Variants in CCDC18 observed in about 807,000 individuals in gnomAD.
The protein encoded by CCDC18 is coiled-coil domain-containing protein 18.
In CCDC18, 157 loss-of-function variants were observed where a neutral mutation model predicts 196.0. That is an observed-to-expected ratio of 0.80 (90% confidence interval 0.70 to 0.91). The LOEUF (loss-of-function observed/expected upper bound fraction) is 0.91, where lower values mean the gene tolerates loss of function less well. Among genes scored for constraint, CCDC18 ranks in the 40% least tolerant of loss-of-function variants. The probability of loss-of-function intolerance (pLI) is 0.00; values close to 1 mark genes in which losing one functional copy is unlikely to be tolerated. For missense variants in CCDC18, 1,465 were observed against 1,611.6 expected, an observed-to-expected ratio of 0.91 and a Z score of 1.56; for synonymous variants, 482 against 529.2, an observed-to-expected ratio of 0.91 and a Z score of 1.22.
intron 26 of CCDC18, among the ~76,000 whole-genome samples, chr1:93,260,582 AGAG>A (rs1663644486): frequency 6.6e-6 from 1 of 152,096 alleles, no homozygotes. Flanking sequence ...GAGCTAGAAA[AGAG>A]GATCAATAAT....
chr1:93,180,742 C>A lies in CCDC18; in HGVS notation c.-113C>A. Reference sequence around the variant, plus strand: ...CCGCGGCGGTTCGAATTCTGTGCTGCCGGGGTTCGCTGGTTCTCCGAGTTG... The same window carrying A: ...CCGCGGCGGTTCGAATTCTGTGCTGACGGGGTTCGCTGGTTCTCCGAGTTG... On this transcript the variant is annotated 5_prime_UTR_variant, in exon 1 of 29. Coordinates refer to ENST00000690025, the MANE Select transcript of CCDC18 (RefSeq NM_001378204.1). The A allele has an allele frequency of 7.3e-7, 1 of 1,366,814 alleles. No individual in the cohort carries two copies. Among genetic ancestry groups the A allele is most frequent in the Non-Finnish European group, 9.8e-7 (1 of 1,021,522 alleles). 84.7% of individuals were successfully genotyped at this position (1,366,814 alleles called of 1,614,324 possible).
chr1:93,234,397 T>C (rs1659723417), intron 18 of CCDC18, among the ~76,000 whole-genome samples: 1 of 151,994 alleles, frequency 6.6e-6, no homozygotes, highest in Admixed American at 6.6e-5. Flanking sequence ...CTTGATCTTG[T>C]GATTCGCCCA....
chr1:93,240,723 AC>A (rs988154013), intron 21 of CCDC18, among the ~76,000 whole-genome samples: 1 of 152,060 alleles, frequency 6.6e-6, no homozygotes, highest in African/African-American at 2.4e-5. Context: ...TCCAGTATTG[AC>A]CTTTTCCTGT....
chr1:93,240,929 T>C (rs1660687479), intron 21 of CCDC18, among the ~76,000 whole-genome samples: 1 of 152,140 alleles, frequency 6.6e-6, no homozygotes, highest in Non-Finnish European at 1.5e-5. Context: ...TTTCATCCAG[T>C]GTATTAGCAA....
chr1:93,243,824 T>G (rs1202843248), intron 21 of CCDC18, among the ~76,000 whole-genome samples: 1 of 152,206 alleles, frequency 6.6e-6, no homozygotes. Context: ...CATTCTGGAC[T>G]TTATTGTCCA....
intron 18 of CCDC18, among the ~76,000 whole-genome samples, chr1:93,235,729 G>GA (rs1659989005): frequency 1.3e-5 from 2 of 152,064 alleles, no homozygotes; most frequent in South Asian, 2.1e-4. Context: ...TGAAGTTCCT[G>GA]AAAAAATGAA....
At chr1:93,217,957 C>A in intron 14 of CCDC18, 88 bp downstream of exon 14, 1 of 1,078,568 alleles carries the variant, frequency 9.3e-7, no homozygotes. Context: ...GACGAGGACA[C>A]AAAGATACAC....
At chr1:93,234,225 G>A (rs897185907) in intron 18 of CCDC18, among the ~76,000 whole-genome samples, 9 of 151,664 alleles carry the variant, frequency 5.9e-5, no homozygotes, top group Non-Finnish European at 1.2e-4. Flanking sequence ...GCAGTGGTGC[G>A]ATCTTGGCTC....
chr1:93,245,044 C>G (rs1327568314), intron 21 of CCDC18, among the ~76,000 whole-genome samples: 1 of 152,192 alleles, frequency 6.6e-6, no homozygotes, highest in Non-Finnish European at 1.5e-5. Context: ...ACTTAGGTGT[C>G]TGTCTTTTCT....
upstream of CCDC18, chr1:93,180,656 G>T: frequency 7.6e-7 from 1 of 1,318,728 alleles, no homozygotes; most frequent in Non-Finnish European, 1.0e-6. Flanking sequence ...GCCTTCGGCG[G>T]CGCCTCACGC....
intron 21 of CCDC18, among the ~76,000 whole-genome samples, chr1:93,243,811 C>G (rs1661149986): frequency 6.6e-6 from 1 of 152,204 alleles, no homozygotes; most frequent in Admixed American, 6.5e-5. Flanking sequence ...TCCAAGACCA[C>G]CTCATTCTGG....
In CCDC18 at chr1:93,214,864, TTC is replaced by T; in HGVS notation, c.1619_1620del (p.Ser540Ter). The T allele has an allele frequency of 6.2e-7, 1 of 1,613,642 alleles. No individual in the cohort carries two copies. Among genetic ancestry groups the T allele is most frequent in the Middle Eastern group, 1.7e-4 (1 of 6,052 alleles). On this transcript the variant is annotated frameshift_variant, in exon 12 of 29. Coordinates refer to ENST00000690025, the MANE Select transcript of CCDC18 (RefSeq NM_001378204.1). LOFTEE classifies it high-confidence loss of function. Reference sequence around the variant, plus strand: ...AGCTGATACAAATAGAAGCTGAAAATTCTGATTTGAAGGTTAACATGGCTCAC... The same window carrying T: ...AGCTGATACAAATAGAAGCTGAAAATTGATTTGAAGGTTAACATGGCTCAC... The part of the protein sequence containing the change: ...TKLIQIEAEN[S>X]DLKVNMAHRT...
chr1:93,191,883 T>G (rs578001263), intron 4 of CCDC18, 117 bp from the exon 5 acceptor site: 5 of 645,794 alleles, frequency 7.7e-6, no homozygotes, highest in Admixed American at 5.6e-5. Context: ...AAGCTTTATA[T>G]CTGACCAATG....
intron 21 of CCDC18, among the ~76,000 whole-genome samples, chr1:93,240,267 C>T (rs1035462897): frequency 6.6e-6 from 1 of 152,216 alleles, no homozygotes; most frequent in Admixed American, 6.5e-5. Context: ...CCTTACAACA[C>T]ACCTATTAGA....
chr1:93,220,328 T>G (rs1292426100), intron 14 of CCDC18, among the ~76,000 whole-genome samples: 2 of 152,076 alleles, frequency 1.3e-5, no homozygotes, highest in Admixed American at 1.3e-4. Context: ...CATTCTTAGA[T>G]GAAGGACCGC....
At position 93,226,353 on chromosome 1, in the gene CCDC18, A is replaced by G. The variant is rs1658316212; in HGVS notation, c.2196A>G (p.Ala732=). 3.2e-6 allele frequency: 5 copies of G among 1,557,888 alleles called. No individual in the cohort carries two copies. The East Asian group carries it at 9.1e-5, about 28-fold the overall frequency. Residue 732 remains alanine, a synonymous_variant, in exon 17 of 29, where the codon GCA becomes GCG. Transcript: ENST00000690025. ...CTTAGGTTAGGCAACTAGATTCAGCATTGGAAATTTGTAAGGAAGAACTTG... is the reference window on the plus strand; with the variant it reads ...CTTAGGTTAGGCAACTAGATTCAGCGTTGGAAATTTGTAAGGAAGAACTTG... ...ETIKVRQLDS[A]LEICKEELVL...
intron 21 of CCDC18, among the ~76,000 whole-genome samples, chr1:93,240,132 T>C (rs1660581820): frequency 6.6e-6 from 1 of 152,170 alleles, no homozygotes; most frequent in African/African-American, 2.4e-5. Context: ...AAAAAATCAT[T>C]GGGCATGCAT....
At chr1:93,246,312 C>A in intron 22 of CCDC18, 108 bp downstream of exon 22, 1 of 625,878 alleles carries the variant, frequency 1.6e-6, no homozygotes, top group Non-Finnish European at 2.8e-6. Flanking sequence ...TATAGCATAT[C>A]TTTTCTCTGC....
At chr1:93,243,473 G>A (rs933697584) in intron 21 of CCDC18, among the ~76,000 whole-genome samples, 10 of 152,194 alleles carry the variant, frequency 6.6e-5, no homozygotes, top group African/African-American at 2.4e-4. Flanking sequence ...GCCTGTGATG[G>A]GAGAGGCTGC....
Sources: allele counts gnomAD v4.1 joint callset (sites outside exome capture counted in the v4.1 genomes callset), GRCh38; gene constraint gnomAD v4.1.1; transcripts MANE v1.5; gene names NCBI Gene and HGNC (gene_info 2026-07-23, HGNC 2026-07-21).